Variants in IRS1 observed in about 807,000 individuals in gnomAD.
The protein encoded by IRS1 is insulin receptor substrate 1.
A neutral mutation model predicts 65.6 loss-of-function variants in IRS1; 34 were observed. That is an observed-to-expected ratio of 0.52 (90% CI 0.39 to 0.69). The LOEUF is 0.69. IRS1 is among the 30% of genes least tolerant of loss of function. The pLI is 0.00. For missense variants in IRS1, 1,641 were observed against 1,720.2 expected (o/e 0.95, Z 0.81); for synonymous variants, 699 against 683.5 (o/e 1.02, Z -0.35).
intron 1 of IRS1, among the ~76,000 whole-genome samples, chr2:226,786,269 C>T (rs78034425): frequency 0.15 from 22,486 of 151,526 alleles, 2,104 homozygotes; most frequent in South Asian, 0.26. Flanking sequence ...AGTAATGGGA[C>T]GGCTGGGTCA....
At chr2:226,785,422 G>C (rs564506305) in intron 1 of IRS1, among the ~76,000 whole-genome samples, 1 of 152,080 alleles carries the variant, frequency 6.6e-6, no homozygotes, top group African/African-American at 2.4e-5. Context: ...GGCCAACATG[G>C]TGAAACCCTG....
At chr2:226,769,581 G>C (rs1474792642) in intron 1 of IRS1, among the ~76,000 whole-genome samples, 1 of 152,130 alleles carries the variant, frequency 6.6e-6, no homozygotes, top group Non-Finnish European at 1.5e-5. Context: ...GCGTTTCATG[G>C]GAGGCTTAGA....
intron 1 of IRS1, among the ~76,000 whole-genome samples, chr2:226,745,162 G>C (rs768563778): frequency 2.0e-5 from 3 of 152,190 alleles, no homozygotes; most frequent in Non-Finnish European, 4.4e-5. Context: ...AAAGGAGCAA[G>C]GAAAAGTATA....
chr2:226,788,054 AC>A (rs1939519008), intron 1 of IRS1, among the ~76,000 whole-genome samples: 1 of 152,138 alleles, frequency 6.6e-6, no homozygotes, highest in African/African-American at 2.4e-5. Context: ...ATTTCAACAA[AC>A]GTGAGAAAAC....
intron 1 of IRS1, among the ~76,000 whole-genome samples, chr2:226,751,579 G>C (rs78949102): frequency 0.056 from 8,537 of 152,126 alleles, 368 homozygotes; most frequent in East Asian, 0.18. Context: ...CACCGCGCCC[G>C]GCCGGGTATT....
At chr2:226,776,119 A>C (rs1477080937) in intron 1 of IRS1, among the ~76,000 whole-genome samples, 2 of 152,174 alleles carry the variant, frequency 1.3e-5, no homozygotes, top group African/African-American at 2.4e-5. Flanking sequence ...AGTGTCAAAA[A>C]GTAAGGGAAT....
intron 1 of IRS1, among the ~76,000 whole-genome samples, chr2:226,793,400 A>T (rs568381908): frequency 5.8e-4 from 88 of 152,344 alleles, no homozygotes; most frequent in African/African-American, 2.1e-3. Flanking sequence ...ATATAACAAG[A>T]TTTGTACTAC....
chr2:226,763,221 A>G (rs549675380), intron 1 of IRS1, among the ~76,000 whole-genome samples: 2 of 152,164 alleles, frequency 1.3e-5, no homozygotes, highest in Non-Finnish European at 2.9e-5. Context: ...GTTTGAATTC[A>G]CCATTCCCTA....
At position 226,796,982 on chromosome 2, in the gene IRS1, C is replaced by A. The variant is rs750561476; in HGVS notation, c.1757G>T (p.Gly586Val). ...FVPTRSYPEE[G>V]LEMHPLERRG... is the part of the protein sequence containing the mutation. The stretch of plus-strand genomic sequence containing the variant: ...ACGCTCCAAGGGGTGCATTTCCAGA[C>A]CCTCCTCTGGGTAGGAGCGGGTGGG... The change falls in exon 1 of 2, where the codon GGT (glycine) becomes GTT (valine). Residue 586 changes from glycine to valine, a missense_variant. This residue lies in a region of IRS1 where 1,324 missense variants were observed against 1,361.0 expected (regional missense o/e 0.97). Coordinates refer to ENST00000305123, the MANE Select transcript of IRS1 (RefSeq NM_005544.3). 15 of 1,585,458 alleles carry A rather than the reference C, an allele frequency of 9.5e-6. No homozygotes were observed. The highest frequency in any genetic ancestry group is 1.7e-4 in the Middle Eastern group (1 of 5,938).
chr2:226,799,224 G>A lies in IRS1; in HGVS notation c.-486C>T, dbSNP rs997658683. 3.4e-5 allele frequency: 38 copies of A among 1,118,812 alleles called. No individual in the cohort carries two copies. Among genetic ancestry groups the A allele is most frequent in the Non-Finnish European group, 3.8e-5 (34 of 898,308 alleles). The allele number at this position is 1,118,812 out of a possible 1,614,324, so 69.3% of individuals were successfully genotyped here. Reference sequence around the variant, plus strand: ...GCAAATTAAATATCCTTGGGCAGGGGGAGGCGGGTTGCCAAGTCCCAACGT... The same window carrying A: ...GCAAATTAAATATCCTTGGGCAGGGAGAGGCGGGTTGCCAAGTCCCAACGT... On this transcript the variant is annotated 5_prime_UTR_variant, in exon 1 of 2. Coordinates refer to ENST00000305123, the MANE Select transcript of IRS1 (RefSeq NM_005544.3). The surrounding 1 kb of genome is among the most constrained non-coding windows in gnomAD (Gnocchi z 6.1).
chr2:226,760,656 G>T (rs1013131258), intron 1 of IRS1, among the ~76,000 whole-genome samples: 7 of 152,154 alleles, frequency 4.6e-5, no homozygotes, highest in Non-Finnish European at 8.8e-5. Context: ...TGCACAGCTG[G>T]TATAAATCTG....
At chr2:226,768,596 T>C (rs536297628) in intron 1 of IRS1, among the ~76,000 whole-genome samples, 1 of 152,272 alleles carries the variant, frequency 6.6e-6, no homozygotes, top group African/African-American at 2.4e-5. Context: ...CCCTGAACTC[T>C]CCTCTGTACC....
Position 226,796,559 on chromosome 2 carries a change from G to A in IRS1, c.2180C>T (p.Pro727Leu). ...CATGTTCATGTAGTCACCTGTGCAA[G>A]GTAAGAGCTTACCACCGCTGCTCTC... is the stretch of plus-strand genomic sequence containing the variant. ...PVESSGGKLL[P>L]CTGDYMNMSP... Residue 727 changes from proline to leucine, a missense_variant, in exon 1 of 2, where the codon CCT becomes CTT. By Grantham distance (98) the Pro-to-Leu change is moderately conservative. Around this residue, in one of 3 missense-constraint regions of IRS1, gnomAD observed 1,324 missense variants for 1,361.0 expected, o/e 0.97. Coordinates refer to ENST00000305123, the MANE Select transcript of IRS1 (RefSeq NM_005544.3). 1 of 1,614,048 alleles carries A rather than the reference G, an allele frequency of 6.2e-7. No individual in the cohort carries two copies.
chr2:226,767,491 C>T (rs929495863), intron 1 of IRS1, among the ~76,000 whole-genome samples: 1 of 152,208 alleles, frequency 6.6e-6, no homozygotes, highest in Non-Finnish European at 1.5e-5. Context: ...CAAAAGGGCC[C>T]TTAGCCATTC....
intron 1 of IRS1, among the ~76,000 whole-genome samples, chr2:226,753,186 C>A (rs1938717771): frequency 6.6e-6 from 1 of 152,142 alleles, no homozygotes; most frequent in South Asian, 2.1e-4. Context: ...GCCATTAAAA[C>A]CCAGACAATT....
At position 226,731,769 on chromosome 2, in the gene IRS1, A is replaced by G. The variant is rs1215319900; in HGVS notation, c.*4503T>C. 6.6e-6 allele frequency: 1 copy of G among 152,022 alleles called. No homozygotes were observed. Among genetic ancestry groups the G allele is most frequent in the Non-Finnish European group, 1.5e-5 (1 of 68,026 alleles). The allele number at this position is 152,022 out of a possible 1,614,324, so 9.4% of individuals were successfully genotyped here. A position where few individuals can be genotyped will look rare whatever the true frequency, so the allele number is the denominator to read the frequency against. Reference sequence around the variant, plus strand: ...CACCCTGTAGCCAAGAGGTGTAAGGAAAGTACTTTGCAAGAAAAAATTGTT... The same window carrying G: ...CACCCTGTAGCCAAGAGGTGTAAGGGAAGTACTTTGCAAGAAAAAATTGTT... On this transcript the variant is annotated 3_prime_UTR_variant, in exon 2 of 2. Transcript: ENST00000305123.
rs1938223976 is a variant in IRS1 at position 226,731,732 on chromosome 2, T to C, written c.*4540A>G. 6.6e-6 allele frequency: 1 copy of C among 152,092 alleles called. No individual in the cohort carries two copies. The allele number at this position is 152,092 out of a possible 1,614,324, so 9.4% of individuals were successfully genotyped here. ...TACATTAAATGAAAATACATATATG[T>C]TTAATTTGGCCCACCCTGTAGCCAA... On this transcript the variant is annotated 3_prime_UTR_variant, in exon 2 of 2. Coordinates refer to ENST00000305123, the MANE Select transcript of IRS1 (RefSeq NM_005544.3).
At chr2:226,750,269 A>AAAAAAAAT (rs760113451) in intron 1 of IRS1, among the ~76,000 whole-genome samples, 1 of 150,400 alleles carries the variant, frequency 6.6e-6, no homozygotes. Flanking sequence ...AAAAAAAAAA[A>AAAAAAAAT]AGAATCATTA....
At position 226,784,147 on chromosome 2, in the gene IRS1, T is replaced by C. The variant is rs144981556; in HGVS notation, c.*21+10842A>G. ...CACAGAATTGTGACCTAGTAAATGA[T>C]TGATGTTTTAAAGCACTTTATTTGG... On this transcript the variant is annotated intron_variant, in intron 1 of 1. Coordinates refer to ENST00000305123, the MANE Select transcript of IRS1 (RefSeq NM_005544.3). Among the ~76,000 whole-genome samples the C allele has an allele frequency of 5.9e-3, 897 of 152,222 alleles. 6 individuals carry two copies. The highest frequency in any genetic ancestry group is 0.018 in the African/African-American group (742 of 41,534).
Sources: gnomAD v4.1 joint callset for allele counts (sites outside exome capture counted in the v4.1 genomes callset) on GRCh38, gnomAD v4.1.1 for gene constraint, gnomAD v4.1.1 regional missense constraint, Gnocchi (gnomAD v3.1) non-coding constraint, MANE v1.5 for transcripts, NCBI Gene and HGNC (gene_info 2026-07-23, HGNC 2026-07-21) for gene names.